HYDIN: variants seen among roughly 807,000 people sequenced by gnomAD.
The protein encoded by HYDIN is axonemal central pair apparatus protein HYDIN.
A neutral mutation model predicts 403.9 loss-of-function variants in HYDIN; 132 were observed. The ratio of observed to expected loss-of-function variants is 0.33; its 90% CI spans 0.28 to 0.38. The LOEUF (loss-of-function observed/expected upper bound fraction) is 0.38. Among genes scored for constraint, HYDIN ranks in the 10% least tolerant of loss-of-function variants. The probability of loss-of-function intolerance (pLI) is 1.00; values close to 1 mark genes in which losing one functional copy is unlikely to be tolerated. For synonymous variants in HYDIN, 1,202 were observed against 1,891.7 expected (o/e 0.64, Z 9.46); for missense variants, 2,827 against 5,009.5 (o/e 0.56, Z 13.15).
intron 47 of HYDIN, among the ~76,000 whole-genome samples, chr16:70,917,990 T>C (rs981113160): frequency 4.6e-5 from 7 of 151,834 alleles, no homozygotes; most frequent in African/African-American, 1.5e-4. Flanking sequence ...TCATTATCCG[T>C]TTCCTCTTAG....
chr16:71,144,726 G>C (rs2085302717), intron 7 of HYDIN, among the ~76,000 whole-genome samples: 1 of 151,000 alleles, frequency 6.6e-6, no homozygotes, highest in Admixed American at 6.6e-5. Context: ...GTCAGAAAAA[G>C]CAAAGAAATC....
At chr16:71,206,050 C>G (rs2088280583) in intron 1 of HYDIN, among the ~76,000 whole-genome samples, 1 of 152,150 alleles carries the variant, frequency 6.6e-6, no homozygotes, top group South Asian at 2.1e-4. Flanking sequence ...TTGGAAACAC[C>G]CAGACAGTAG....
chr16:71,085,713 T>C (rs1268527571), intron 12 of HYDIN, among the ~76,000 whole-genome samples: 1 of 152,208 alleles, frequency 6.6e-6, no homozygotes, highest in Non-Finnish European at 1.5e-5. Flanking sequence ...ATGCCCTTCT[T>C]TGTCTTGAAT....
At chr16:71,218,001 A>G (rs2088980661) in intron 1 of HYDIN, among the ~76,000 whole-genome samples, 1 of 152,230 alleles carries the variant, frequency 6.6e-6, no homozygotes, top group Admixed American at 6.5e-5. Context: ...TGGTTTCCCT[A>G]GAACGCAAAG....
At chr16:70,826,709 C>A (rs1338108660) in intron 83 of HYDIN, among the ~76,000 whole-genome samples, 2 of 48,610 alleles carry the variant, frequency 4.1e-5, no homozygotes, top group Non-Finnish European at 6.3e-5. Context: ...GCCAGCATCT[C>A]TCTCTCTCTC....
At chr16:70,923,064 G>A (rs1286380577) in intron 45 of HYDIN, among the ~76,000 whole-genome samples, 2 of 151,640 alleles carry the variant, frequency 1.3e-5, no homozygotes, top group African/African-American at 4.8e-5. Context: ...CACTATGCCT[G>A]GCCCCTTTTA....
chr16:71,151,136 G>A (rs1255345778), intron 7 of HYDIN, among the ~76,000 whole-genome samples: 3 of 152,186 alleles, frequency 2.0e-5, no homozygotes, highest in Non-Finnish European at 4.4e-5. Context: ...ATGCCCCAAT[G>A]TGTTATGAGC....
intron 13 of HYDIN, among the ~76,000 whole-genome samples, chr16:71,070,032 G>C (rs1426535330): frequency 6.6e-6 from 1 of 152,168 alleles, no homozygotes; most frequent in Non-Finnish European, 1.5e-5. Flanking sequence ...CACGCTCTTA[G>C]GGCTGATGAC....
intron 4 of HYDIN, among the ~76,000 whole-genome samples, chr16:71,177,213 A>G (rs1597956567): frequency 6.6e-6 from 1 of 152,226 alleles, no homozygotes; most frequent in East Asian, 1.9e-4. Flanking sequence ...ACTTGCTATT[A>G]AACAACCACT....
chr16:70,905,064 C>T (rs1387799894), intron 50 of HYDIN, among the ~76,000 whole-genome samples: 1 of 152,036 alleles, frequency 6.6e-6, no homozygotes, highest in African/African-American at 2.4e-5. Flanking sequence ...CATCAGAGGT[C>T]ACGGCACAGG....
rs767439083 is a variant in HYDIN, at chr16:71,067,395, A to C, written c.1975-5T>G. 4 of 1,599,314 alleles carry C rather than the reference A, an allele frequency of 2.5e-6. No homozygotes were observed. The South Asian group carries it at 4.5e-5, about 18-fold the overall frequency. On this transcript the variant is annotated splice_region_variant and splice_polypyrimidine_tract_variant and intron_variant, in intron 14 of 85. Coordinates refer to ENST00000393567, the MANE Select transcript of HYDIN (RefSeq NM_001270974.2). Reference sequence around the variant, plus strand: ...AGTGTTGGAGCATAATGTCACCTGGAAAGAAAAAGGTGACAAGTTGGTCTT... The same window carrying C: ...AGTGTTGGAGCATAATGTCACCTGGCAAGAAAAAGGTGACAAGTTGGTCTT...
intron 45 of HYDIN, among the ~76,000 whole-genome samples, chr16:70,921,894 C>CT (rs1464591205): frequency 6.6e-6 from 1 of 152,214 alleles, no homozygotes; most frequent in Non-Finnish European, 1.5e-5. Flanking sequence ...CAACTTTATT[C>CT]TTTTTCTTAC....
intron 1 of HYDIN, among the ~76,000 whole-genome samples, chr16:71,214,650 T>C (rs1567461955): frequency 6.6e-6 from 1 of 152,146 alleles, no homozygotes. Context: ...GAAGGACATA[T>C]TCCTTGACCA....
chr16:71,207,112 A>G (rs188510290), intron 1 of HYDIN, among the ~76,000 whole-genome samples: 1 of 152,330 alleles, frequency 6.6e-6, no homozygotes, highest in Admixed American at 6.5e-5. Context: ...ATCATCCCCA[A>G]GACACATAAT....
chr16:71,020,627 G>A (rs1388803461), intron 21 of HYDIN, among the ~76,000 whole-genome samples: 1 of 152,008 alleles, frequency 6.6e-6, no homozygotes, highest in Admixed American at 6.5e-5. Context: ...TGGCCAACAT[G>A]GTGAAACCCC....
chr16:71,186,758 T>C lies in HYDIN; in HGVS notation c.135+3A>G. The C allele has an allele frequency of 2.5e-6, 4 of 1,610,258 alleles. No individual in the cohort carries two copies. Among genetic ancestry groups the C allele is most frequent in the Non-Finnish European group, 3.4e-6 (4 of 1,177,682 alleles). ...TTTACATATTAATTCCCGGATACAT[T>C]ACCATTCGGTTTACTTCTTCTTCTG... is the stretch of plus-strand genomic sequence containing the variant. On this transcript the variant is annotated splice_donor_region_variant and intron_variant, in intron 2 of 85. Transcript: ENST00000393567.
intron 25 of HYDIN, among the ~76,000 whole-genome samples, chr16:70,989,018 T>C (rs1243416506): frequency 6.6e-6 from 1 of 152,114 alleles, no homozygotes; most frequent in Non-Finnish European, 1.5e-5. Flanking sequence ...TTAATTTTTC[T>C]GTATTCTTGA....
intron 39 of HYDIN, among the ~76,000 whole-genome samples, chr16:70,956,040 G>A (rs1382252384): frequency 1.3e-5 from 2 of 152,018 alleles, no homozygotes; most frequent in African/African-American, 2.4e-5. Context: ...GGCTGGTCTC[G>A]AACTCCTAAC....
chr16:71,008,238 A>G (rs984712574), intron 23 of HYDIN, among the ~76,000 whole-genome samples: 1 of 151,732 alleles, frequency 6.6e-6, no homozygotes, highest in Non-Finnish European at 1.5e-5. Context: ...CTTTAGCCTC[A>G]TGCAATATTG....
Sources: allele counts gnomAD v4.1 joint callset (sites outside exome capture counted in the v4.1 genomes callset), GRCh38; gene constraint gnomAD v4.1.1; transcripts MANE v1.5; gene names NCBI Gene and HGNC (gene_info 2026-07-23, HGNC 2026-07-21).